Variants in AHNAK observed in about 807,000 individuals in gnomAD.
AHNAK encodes AHNAK nucleoprotein, also known as neuroblast differentiation-associated protein AHNAK.
Under a neutral mutation model 37.8 loss-of-function variants are expected in AHNAK, and 23 were observed. The observed-to-expected ratio is 0.61, with a 90% CI of 0.44 to 0.86. AHNAK has a LOEUF of 0.86. Among genes scored for constraint, AHNAK ranks in the 40% least tolerant of loss-of-function variants. The pLI, the probability that AHNAK is intolerant of heterozygous loss-of-function variation, is 0.00. For missense variants in AHNAK, 7,411 were observed against 7,319.4 expected (o/e 1.01, Z -0.46); for synonymous variants, 2,481 against 2,636.3 (o/e 0.94, Z 1.80).
Position 62,526,194 on chromosome 11 carries a change from A to G in AHNAK, c.8223T>C (p.Val2741=). The part of the protein sequence containing the change: ...KVEGDLKGPE[V]DIKGPKVDID... Reference sequence around the variant, plus strand: ...TGTCCACTTTTGGGCCCTTGATGTCAACTTCTGGGCCCTTGAGGTCACCTT... The same window carrying G: ...TGTCCACTTTTGGGCCCTTGATGTCGACTTCTGGGCCCTTGAGGTCACCTT... The change falls in exon 5 of 5, where the codon GTT becomes GTC. Residue 2741 remains valine (V), a synonymous_variant. Coordinates refer to ENST00000378024, the MANE Select transcript of AHNAK (RefSeq NM_001620.3). 1 of 1,613,656 alleles carries G rather than the reference A, an allele frequency of 6.2e-7. No homozygotes were observed.
chr11:62,529,770 A>G lies in AHNAK; in HGVS notation c.4647T>C (p.Asp1549=), dbSNP rs142130957. The G allele has an allele frequency of 1.2e-4, 191 of 1,614,092 alleles. 1 individual carries two copies. In the African/African-American group the frequency reaches 2.1e-3, roughly 18 times the overall value. Residue 1549 remains aspartate, a synonymous_variant, in exon 5 of 5, where the codon GAT becomes GAC. Coordinates refer to ENST00000378024, the MANE Select transcript of AHNAK (RefSeq NM_001620.3). The part of the protein sequence containing the change: ...LGVSGPKVDI[D]VPDVNLEAPE... ...GAGCTTCAAGATTCACATCTGGAACATCAATGTCCACCTTGGGTCCTGAAA... is the reference window on the plus strand; with the variant it reads ...GAGCTTCAAGATTCACATCTGGAACGTCAATGTCCACCTTGGGTCCTGAAA...
rs756964037 is a variant in AHNAK, at chr11:62,534,985, G to C, written c.342+18C>G. 1.5e-4 allele frequency: 233 copies of C among 1,593,432 alleles called. No homozygotes were observed. Among genetic ancestry groups the C allele is most frequent in the Non-Finnish European group, 1.9e-4 (226 of 1,164,604 alleles). On this transcript the variant is annotated intron_variant, in intron 4 of 4. Transcript: ENST00000378024. ...GCCGGGGGAGCTCAGGGCACAGATG[G>C]GCCGGCGAGGTACTCACCAGAACCA...
At chr11:62,511,285 C>T (rs987892761), downstream of AHNAK, among the ~76,000 whole-genome samples, 1 of 151,696 alleles carries the variant, frequency 6.6e-6, no homozygotes, top group Non-Finnish European at 1.5e-5. Flanking sequence ...ACGAGTCTCG[C>T]TCTGTCCCCC....
chr11:62,491,584 G>T, intron 5 of AHNAK: 1 of 688,214 alleles, frequency 1.5e-6, no homozygotes, highest in Non-Finnish European at 2.4e-6. Context: ...CCAGGCCCAG[G>T]AGAAAGAGGG....
At position 62,499,886 on chromosome 11, in the gene AHNAK, G is replaced by A. The variant is rs117974356; in HGVS notation, c.343-8055C>T. Among the ~76,000 whole-genome samples, 549 of 152,358 alleles carry A rather than the reference G, an allele frequency of 3.6e-3. 2 individuals are homozygous for A. Among genetic ancestry groups the A allele is most frequent in the Non-Finnish European group, 6.5e-3 (442 of 68,036 alleles). On this transcript the variant is annotated intron_variant, in intron 4 of 5. Transcript: ENST00000257247. ...GGGGAGATCACATCTCCCTTCAGGC[G>A]TCATCTGACACCAGACCAAGGCTCA...
At chr11:62,466,467 TGA>T (rs369424873) in intron 5 of AHNAK, among the ~76,000 whole-genome samples, 10 of 116,630 alleles carry the variant, frequency 8.6e-5, no homozygotes, top group African/African-American at 2.9e-4. Flanking sequence ...AGTAAAGTTT[TGA>T]TTTTTTTTTT....
chr11:62,514,204 T>A (rs144502282), downstream of AHNAK, among the ~76,000 whole-genome samples: 1 of 152,154 alleles, frequency 6.6e-6, no homozygotes, highest in Non-Finnish European at 1.5e-5. Flanking sequence ...TGCACCCCAC[T>A]GTCGCACACT....
At chr11:62,475,783 T>G (rs1939132072) in intron 5 of AHNAK, among the ~76,000 whole-genome samples, 1 of 151,624 alleles carries the variant, frequency 6.6e-6, no homozygotes, top group Non-Finnish European at 1.5e-5. Context: ...TTTTGTATTT[T>G]TAGTAGAGAC....
At chr11:62,514,827 C>T (rs567265434), downstream of AHNAK, among the ~76,000 whole-genome samples, 1 of 152,260 alleles carries the variant, frequency 6.6e-6, no homozygotes, top group East Asian at 1.9e-4. Flanking sequence ...TCCAAAACCC[C>T]CAGAACACTG....
intron 1 of AHNAK, among the ~76,000 whole-genome samples, chr11:62,544,669 G>A (rs552082310): frequency 1.8e-4 from 27 of 152,084 alleles, no homozygotes; most frequent in African/African-American, 6.0e-4. Flanking sequence ...CTATCCACGC[G>A]GTGGGGGGTG....
Position 62,525,623 on chromosome 11 carries a change from C to G in AHNAK, c.8794G>C (p.Val2932Leu), listed in dbSNP as rs112216739. 3.1e-6 allele frequency: 5 copies of G among 1,611,682 alleles called. No individual in the cohort carries two copies. The African/African-American group carries it at 6.7e-5, about 22-fold the overall frequency. The part of the protein sequence containing the change: ...DVDVSGPKVD[V>L]EGPDVNIEGP... ...TCAATGTTAACATCAGGGCCTTCAA[C>G]GTCCACTTTGGGGCCTGAGACATCA... Residue 2932 changes from valine to leucine, a missense_variant, in exon 5 of 5, where the codon GTT becomes CTT. By Grantham distance (32) the Val-to-Leu change is conservative (BLOSUM62 1). Transcript: ENST00000378024.
chr11:62,483,691 T>C (rs932698254), intron 5 of AHNAK, among the ~76,000 whole-genome samples: 7 of 151,752 alleles, frequency 4.6e-5, no homozygotes, highest in Non-Finnish European at 1.0e-4. Context: ...ACCCTGTCTC[T>C]ACTAAAAATA....
At position 62,526,382 on chromosome 11, in the gene AHNAK, G is replaced by A. The variant is rs760067859; in HGVS notation, c.8035C>T (p.Pro2679Ser). The A allele has an allele frequency of 2.5e-6, 4 of 1,608,750 alleles. No individual in the cohort carries two copies. The highest frequency in any genetic ancestry group is 3.4e-6 in the Non-Finnish European group (4 of 1,178,548). The change falls in exon 5 of 5, where the codon CCT becomes TCT. Residue 2679 changes from proline (P) to serine (S), a missense_variant. Transcript: ENST00000378024. ...TCTGGTCCTTCAATGTTAACATCAGGGCCTTCAATGTCCACTTTGGGTCCT... is the reference window on the plus strand; with the variant it reads ...TCTGGTCCTTCAATGTTAACATCAGAGCCTTCAATGTCCACTTTGGGTCCT... ...VSGPKVDIEG[P>S]DVNIEGPEGK...
intron 1 of AHNAK, among the ~76,000 whole-genome samples, chr11:62,538,521 G>A (rs965170759): frequency 2.0e-5 from 3 of 152,176 alleles, no homozygotes; most frequent in Middle Eastern, 3.2e-3. Context: ...CCAAAGCCCC[G>A]CCTACAGCCG....
chr11:62,472,171 C>G (rs967095055), intron 5 of AHNAK, among the ~76,000 whole-genome samples: 1 of 152,070 alleles, frequency 6.6e-6, no homozygotes, highest in Non-Finnish European at 1.5e-5. Flanking sequence ...CTTCCCATGC[C>G]GTCACACCAC....
chr11:62,473,592 G>C (rs1327360614), intron 5 of AHNAK, among the ~76,000 whole-genome samples: 1 of 151,840 alleles, frequency 6.6e-6, no homozygotes, highest in Non-Finnish European at 1.5e-5. Flanking sequence ...GGCTGAGACA[G>C]GAGACTGGCG....
In AHNAK at chr11:62,535,977, G is replaced by C. The variant is rs1420374140; in HGVS notation, c.122C>G (p.Ser41Cys). The C allele has an allele frequency of 6.2e-7, 1 of 1,612,422 alleles. No homozygotes were observed. The highest frequency in any genetic ancestry group is 1.3e-5 in the African/African-American group (1 of 74,862). ...GACCACCCCAGTGCGGGCCGCAGGG[G>C]AGTTCTGCGTCACCTCCTGCACAAA... The part of the protein sequence containing the change: ...GVFVQEVTQN[S>C]PAARTGVVKE... The change falls in exon 3 of 5, where the codon TCC becomes TGC. Residue 41 changes from serine (S) to cysteine (C), a missense_variant. Transcript: ENST00000378024.
At chr11:62,450,979 G>GC (rs1555019123) in intron 5 of AHNAK, among the ~76,000 whole-genome samples, 23 of 151,686 alleles carry the variant, frequency 1.5e-4, no homozygotes, top group Admixed American at 2.0e-4. Flanking sequence ...GCCAAGGCGG[G>GC]AGGAGAAGAG....
intron 5 of AHNAK, among the ~76,000 whole-genome samples, chr11:62,488,227 T>C (rs1162028369): frequency 6.6e-6 from 1 of 152,174 alleles, no homozygotes; most frequent in Non-Finnish European, 1.5e-5. Context: ...CAAATCCCAA[T>C]TCCCTTGAAA....
Sources: allele counts gnomAD v4.1 joint callset (sites outside exome capture counted in the v4.1 genomes callset), GRCh38; gene constraint gnomAD v4.1.1; transcripts MANE v1.5; gene names NCBI Gene and HGNC (gene_info 2026-07-23, HGNC 2026-07-21).